Variants in ROBO1 observed in about 807,000 individuals in gnomAD.
ROBO1 encodes the protein roundabout homolog 1.
In ROBO1, 149 loss-of-function variants were observed where a neutral mutation model predicts 195.9. The ratio of observed to expected loss-of-function variants is 0.76; its 90% CI spans 0.67 to 0.87. The LOEUF is 0.87. ROBO1 is among the 40% of genes least tolerant of loss of function. The pLI is 0.00. For missense variants in ROBO1, 1,933 were observed against 2,068.3 expected, an observed-to-expected ratio of 0.93 and a Z score of 1.27; for synonymous variants, 816 against 733.2, an observed-to-expected ratio of 1.11 and a Z score of -1.82.
chr3:79,413,285 T>G (rs1473096172), intron 2 of ROBO1, among the ~76,000 whole-genome samples: 2 of 152,036 alleles, frequency 1.3e-5, no homozygotes, highest in Non-Finnish European at 2.9e-5. Flanking sequence ...TAAAGTAAGG[T>G]CAAGAACCAA....
chr3:79,017,444 A>G (rs1243402246), intron 3 of ROBO1, among the ~76,000 whole-genome samples: 2 of 139,220 alleles, frequency 1.4e-5, no homozygotes, highest in African/African-American at 5.5e-5. Flanking sequence ...AAAAATTCCG[A>G]GGTGCAGTGT....
At chr3:78,898,380 G>GTTTT (rs773377988) in intron 4 of ROBO1, among the ~76,000 whole-genome samples, 102 of 101,018 alleles carry the variant, frequency 1.0e-3, no homozygotes, top group African/African-American at 1.5e-3. Flanking sequence ...GATAGATAGG[G>GTTTT]TTTTTTTTTT....
At chr3:79,472,273 C>T (rs2107325361) in intron 2 of ROBO1, among the ~76,000 whole-genome samples, 1 of 152,168 alleles carries the variant, frequency 6.6e-6, no homozygotes, top group East Asian at 1.9e-4. Flanking sequence ...TGTCACACTT[C>T]CTAGTGTTTA....
chr3:79,291,683 T>C (rs2032260008), intron 2 of ROBO1, among the ~76,000 whole-genome samples: 2 of 152,190 alleles, frequency 1.3e-5, no homozygotes, highest in South Asian at 2.1e-4. Context: ...AGGTTGTAAA[T>C]AGATTATTGT....
chr3:78,598,870 GTGA>G lies in ROBO1; in HGVS notation c.*40_*42del. On this transcript the variant is annotated 3_prime_UTR_variant, in exon 31 of 31. Transcript: ENST00000464233. ...TGTCATCTGACAGGAGGCATCTTGA[GTGA>G]TGATTTTCACATTAGATCTCATAAG... is the stretch of plus-strand genomic sequence containing the variant. 1 of 1,430,044 alleles carries G rather than the reference GTGA, an allele frequency of 7.0e-7. No homozygotes were observed. Among genetic ancestry groups the G allele is most frequent in the African/African-American group, 1.4e-5 (1 of 70,088 alleles). The allele number at this position is 1,430,044 out of a possible 1,614,324, so 88.6% of individuals were successfully genotyped here. A position where few individuals can be genotyped will look rare whatever the true frequency, so the allele number is the denominator to read the frequency against.
intron 4 of ROBO1, chr3:78,938,310 G>A (rs73120650): frequency 1.2e-4 from 43 of 347,428 alleles, no homozygotes; most frequent in Non-Finnish European, 1.9e-4. Context: ...TATCTTTAAA[G>A]GTAACAAAGG....
chr3:79,340,703 T>C (rs192683717), intron 2 of ROBO1, among the ~76,000 whole-genome samples: 19 of 152,358 alleles, frequency 1.2e-4, no homozygotes, highest in Admixed American at 7.2e-4. Flanking sequence ...TAAAAAGATT[T>C]TTGTTTGTTT....
intron 3 of ROBO1, among the ~76,000 whole-genome samples, chr3:79,019,848 C>T (rs2078061600): frequency 6.6e-6 from 1 of 151,950 alleles, no homozygotes; most frequent in African/African-American, 2.4e-5. Context: ...TCACTTCTCC[C>T]CATTCCCATT....
chr3:79,602,901 A>C (rs1383395247), intron 1 of ROBO1, among the ~76,000 whole-genome samples: 1 of 151,976 alleles, frequency 6.6e-6, no homozygotes, highest in African/African-American at 2.4e-5. Flanking sequence ...AAAAAGCAGA[A>C]TATTAATATT....
At chr3:78,853,855 C>G (rs1212499985) in intron 4 of ROBO1, among the ~76,000 whole-genome samples, 1 of 151,912 alleles carries the variant, frequency 6.6e-6, no homozygotes, top group East Asian at 1.9e-4. Context: ...AGAATGAGAA[C>G]CAAGAGAAAA....
At chr3:79,089,651 A>C (rs1003440833) in intron 3 of ROBO1, among the ~76,000 whole-genome samples, 5 of 152,166 alleles carry the variant, frequency 3.3e-5, no homozygotes, top group African/African-American at 4.8e-5. Context: ...TACTCTCACT[A>C]ACAGTTACCA....
intron 2 of ROBO1, among the ~76,000 whole-genome samples, chr3:79,327,175 T>C (rs1343942588): frequency 6.6e-6 from 1 of 152,108 alleles, no homozygotes; most frequent in African/African-American, 2.4e-5. Context: ...ATTTCAGGAC[T>C]TTGCTTTCAC....
intron 2 of ROBO1, among the ~76,000 whole-genome samples, chr3:79,298,333 T>C (rs915164938): frequency 6.7e-6 from 1 of 149,960 alleles, no homozygotes; most frequent in African/African-American, 2.4e-5. Context: ...CACTCTTTAC[T>C]GCATTTTTTT....
chr3:79,255,998 A>G (rs531445562), intron 2 of ROBO1, among the ~76,000 whole-genome samples: 80 of 152,324 alleles, frequency 5.3e-4, no homozygotes, highest in African/African-American at 1.7e-3. Context: ...AGAAATTGTA[A>G]TAAGGAAAGC....
At chr3:78,740,600 T>C (rs975719821) in intron 5 of ROBO1, among the ~76,000 whole-genome samples, 1 of 151,756 alleles carries the variant, frequency 6.6e-6, no homozygotes, top group African/African-American at 2.4e-5. Flanking sequence ...GACTCCCGAG[T>C]AGCTGGGATT....
intron 4 of ROBO1, among the ~76,000 whole-genome samples, chr3:78,856,560 G>C (rs1164077529): frequency 6.6e-6 from 1 of 151,636 alleles, no homozygotes; most frequent in Non-Finnish European, 1.5e-5. Flanking sequence ...ATAATTGCAA[G>C]AGTCCAAGCT....
intron 4 of ROBO1, among the ~76,000 whole-genome samples, chr3:78,782,518 T>C (rs984612040): frequency 6.6e-6 from 1 of 152,048 alleles, no homozygotes; most frequent in East Asian, 1.9e-4. Context: ...ATTCTTAATG[T>C]CGCTTCCAAG....
intron 2 of ROBO1, among the ~76,000 whole-genome samples, chr3:79,472,775 A>G (rs1938350810): frequency 6.6e-6 from 1 of 152,290 alleles, no homozygotes; most frequent in East Asian, 1.9e-4. Context: ...CTGGCCAACC[A>G]AAGCTTCTTT....
intron 4 of ROBO1, among the ~76,000 whole-genome samples, chr3:78,930,979 G>A (rs1179497061): frequency 1.3e-5 from 2 of 152,030 alleles, no homozygotes; most frequent in Admixed American, 6.6e-5. Flanking sequence ...TCAAAATTAA[G>A]CATAAAGTTA....
Sources: gnomAD v4.1 joint callset for allele counts (sites outside exome capture counted in the v4.1 genomes callset) on GRCh38, gnomAD v4.1.1 for gene constraint, MANE v1.5 for transcripts, NCBI Gene and HGNC (gene_info 2026-07-23, HGNC 2026-07-21) for gene names.